LCLAT1: variants seen among roughly 807,000 people sequenced by gnomAD.
LCLAT1 encodes the protein lysocardiolipin acyltransferase 1.
In LCLAT1, 11 loss-of-function variants were observed where a neutral mutation model predicts 30.7. That is an observed-to-expected ratio of 0.36 (90% CI 0.23 to 0.59). The LOEUF is 0.59. Ranked by LOEUF, LCLAT1 falls within the 20% of genes least tolerant of loss-of-function variation. The pLI, the probability that LCLAT1 is intolerant of heterozygous loss-of-function variation, is 0.77. For synonymous variants in LCLAT1, 155 were observed against 151.3 expected (o/e 1.02, Z -0.18); for missense variants, 402 against 458.6 (o/e 0.88, Z 1.13).
intron 2 of LCLAT1, among the ~76,000 whole-genome samples, chr2:30,531,017 G>A (rs1243516449): frequency 6.6e-6 from 1 of 152,132 alleles, no homozygotes; most frequent in African/African-American, 2.4e-5. Context: ...TGTAATCCCA[G>A]CACTTTTGGA....
At chr2:30,545,586 T>A (rs1015519576) in intron 3 of LCLAT1, among the ~76,000 whole-genome samples, 2 of 152,194 alleles carry the variant, frequency 1.3e-5, no homozygotes, top group Non-Finnish European at 2.9e-5. Context: ...TTATAAAGAG[T>A]TTTGTTAAAT....
At chr2:30,636,859 T>G (rs983513758) in intron 5 of LCLAT1, among the ~76,000 whole-genome samples, 5 of 152,194 alleles carry the variant, frequency 3.3e-5, no homozygotes, top group Non-Finnish European at 7.3e-5. Context: ...CCTAAGATTT[T>G]AAGATTGACT....
At chr2:30,566,910 A>T (rs142526845) in intron 4 of LCLAT1, among the ~76,000 whole-genome samples, 1 of 152,324 alleles carries the variant, frequency 6.6e-6, no homozygotes, top group Non-Finnish European at 1.5e-5. Flanking sequence ...CCATGTTCAG[A>T]TATTTGTACA....
intron 3 of LCLAT1, among the ~76,000 whole-genome samples, chr2:30,546,188 G>C (rs1664401253): frequency 6.6e-6 from 1 of 152,144 alleles, no homozygotes; most frequent in Non-Finnish European, 1.5e-5. Flanking sequence ...GACATACGAA[G>C]ACTGTTATTG....
intron 1 of LCLAT1, among the ~76,000 whole-genome samples, chr2:30,498,388 G>A (rs548054793): frequency 6.6e-5 from 10 of 152,346 alleles, no homozygotes; most frequent in African/African-American, 2.2e-4. Flanking sequence ...GACTTAGCCC[G>A]TGGCTACTTA....
chr2:30,490,612 C>T (rs1683793578), intron 1 of LCLAT1, among the ~76,000 whole-genome samples: 2 of 152,198 alleles, frequency 1.3e-5, no homozygotes, highest in African/African-American at 4.8e-5. Context: ...GTTTCTTCAT[C>T]TGTAAAGTAG....
At chr2:30,562,046 T>C (rs1665250480) in intron 3 of LCLAT1, 100 bp from the exon 4 acceptor site, 2 of 734,174 alleles carry the variant, frequency 2.7e-6, no homozygotes, top group Admixed American at 3.1e-5. Flanking sequence ...CAATAATAAA[T>C]AATATATAGT....
chr2:30,623,582 A>T (rs1398039995), intron 5 of LCLAT1, among the ~76,000 whole-genome samples: 1 of 152,138 alleles, frequency 6.6e-6, no homozygotes, highest in African/African-American at 2.4e-5. Context: ...ATGGGGGAAA[A>T]AAAAAACAAC....
intron 3 of LCLAT1, among the ~76,000 whole-genome samples, chr2:30,560,677 G>A (rs1665171719): frequency 6.6e-6 from 1 of 152,092 alleles, no homozygotes; most frequent in African/African-American, 2.4e-5. Flanking sequence ...TAATGATTAT[G>A]TATATGTATT....
chr2:30,564,140 G>C (rs574451961), intron 4 of LCLAT1, among the ~76,000 whole-genome samples: 1 of 152,214 alleles, frequency 6.6e-6, no homozygotes, highest in Non-Finnish European at 1.5e-5. Flanking sequence ...GAAATTATAA[G>C]TGACAGGTGG....
intron 5 of LCLAT1, among the ~76,000 whole-genome samples, chr2:30,621,321 A>C (rs1046807277): frequency 1.3e-5 from 2 of 152,116 alleles, no homozygotes; most frequent in South Asian, 4.2e-4. Flanking sequence ...TCAATCTCCC[A>C]TGTGACGTAT....
At chr2:30,455,638 G>C (rs558940144) in intron 1 of LCLAT1, among the ~76,000 whole-genome samples, 1 of 152,060 alleles carries the variant, frequency 6.6e-6, no homozygotes, top group Admixed American at 6.5e-5. Context: ...GGTGGCTCAC[G>C]CCTGTAATCC....
intron 1 of LCLAT1, among the ~76,000 whole-genome samples, chr2:30,500,900 A>G (rs1362361419): frequency 6.6e-6 from 1 of 152,114 alleles, no homozygotes; most frequent in South Asian, 2.1e-4. Context: ...CAGGATACCA[A>G]CCATCAGGCC....
intron 5 of LCLAT1, among the ~76,000 whole-genome samples, chr2:30,603,843 A>G (rs1667302965): frequency 6.6e-6 from 1 of 152,170 alleles, no homozygotes; most frequent in East Asian, 1.9e-4. Context: ...ATTTGAATGT[A>G]TGGGAAGGAG....
chr2:30,580,277 C>G (rs948931159), intron 5 of LCLAT1, among the ~76,000 whole-genome samples: 1 of 152,134 alleles, frequency 6.6e-6, no homozygotes, highest in African/African-American at 2.4e-5. Flanking sequence ...TCAAACTTTT[C>G]CAGCATAGTT....
chr2:30,623,275 C>T (rs1371694976), intron 5 of LCLAT1, among the ~76,000 whole-genome samples: 3 of 152,128 alleles, frequency 2.0e-5, no homozygotes, highest in Admixed American at 6.5e-5. Context: ...AGGATGGTCT[C>T]GATCTCCTGA....
intron 1 of LCLAT1, among the ~76,000 whole-genome samples, chr2:30,490,404 A>T (rs1683784062): frequency 6.6e-6 from 1 of 151,764 alleles, no homozygotes; most frequent in Non-Finnish European, 1.5e-5. Flanking sequence ...ACTGGGTTTC[A>T]CCGTGTTAGC....
chr2:30,603,087 T>G (rs968935729), intron 5 of LCLAT1, among the ~76,000 whole-genome samples: 5 of 152,096 alleles, frequency 3.3e-5, no homozygotes, highest in Admixed American at 2.6e-4. Context: ...TTGTGCTGCT[T>G]CAGTGAAATA....
intron 1 of LCLAT1, among the ~76,000 whole-genome samples, chr2:30,462,925 C>A (rs1325430014): frequency 6.6e-6 from 1 of 152,038 alleles, no homozygotes; most frequent in East Asian, 1.9e-4. Flanking sequence ...AAAAAGTCTT[C>A]TTTGTACATG....
Sources: allele counts gnomAD v4.1 joint callset (sites outside exome capture counted in the v4.1 genomes callset), GRCh38; gene constraint gnomAD v4.1.1; transcripts MANE v1.5; gene names NCBI Gene and HGNC (gene_info 2026-07-23, HGNC 2026-07-21).